The following LMBR1 variants were observed in gnomAD, a reference collection of about 807,000 sequenced individuals.
LMBR1 encodes the protein limb region 1 protein homolog.
In LMBR1, 52 loss-of-function variants were observed where a neutral mutation model predicts 73.9. The observed-to-expected ratio is 0.70, with a 90% CI of 0.56 to 0.89. LMBR1 has a LOEUF of 0.89. Ranked by LOEUF, LMBR1 falls within the 40% of genes least tolerant of loss-of-function variation. The pLI is 0.00. For missense variants in LMBR1, 539 were observed against 579.8 expected, an observed-to-expected ratio of 0.93 and a Z score of 0.72; for synonymous variants, 215 against 209.4, an observed-to-expected ratio of 1.03 and a Z score of -0.23.
At chr7:156,829,998 C>T (rs1052805060) in intron 3 of LMBR1, among the ~76,000 whole-genome samples, 1 of 152,204 alleles carries the variant, frequency 6.6e-6, no homozygotes, top group Admixed American at 6.5e-5. Flanking sequence ...TCTTTATTAA[C>T]CCACTACAGT....
At chr7:156,785,132 C>T (rs1272445391) in intron 5 of LMBR1, among the ~76,000 whole-genome samples, 2 of 152,054 alleles carry the variant, frequency 1.3e-5, no homozygotes, top group African/African-American at 4.8e-5. Flanking sequence ...TGATTTGGGG[C>T]CAGGCACGGT....
chr7:156,852,110 A>G (rs894183045), intron 1 of LMBR1, among the ~76,000 whole-genome samples: 6 of 152,110 alleles, frequency 3.9e-5, no homozygotes, highest in Non-Finnish European at 8.8e-5. Flanking sequence ...ACAAAGTAAT[A>G]TAACAAGTAA....
intron 1 of LMBR1, among the ~76,000 whole-genome samples, chr7:156,852,942 CTTT>C (rs879843032): frequency 2.1e-5 from 3 of 143,970 alleles, no homozygotes; most frequent in African/African-American, 2.5e-5. Context: ...ACAAATAATG[CTTT>C]TTTTTTTTTT....
At chr7:156,756,992 T>C (rs1822011349) in intron 8 of LMBR1, among the ~76,000 whole-genome samples, 1 of 152,172 alleles carries the variant, frequency 6.6e-6, no homozygotes, top group African/African-American at 2.4e-5. Flanking sequence ...AATTTTTGTA[T>C]TTTTAGTAGA....
chr7:156,810,030 G>A (rs569375537), intron 4 of LMBR1, among the ~76,000 whole-genome samples: 1 of 151,982 alleles, frequency 6.6e-6, no homozygotes, highest in East Asian at 1.9e-4. Context: ...AGCCCACTTT[G>A]CATTGCCATC....
intron 15 of LMBR1, among the ~76,000 whole-genome samples, chr7:156,692,199 C>T (rs1039880723): frequency 4.6e-5 from 7 of 152,266 alleles, no homozygotes; most frequent in Admixed American, 1.3e-4. Context: ...GCCTCAGCCT[C>T]CCAAGTAGTT....
chr7:156,837,202 C>T (rs546937423), intron 1 of LMBR1, among the ~76,000 whole-genome samples: 6 of 151,446 alleles, frequency 4.0e-5, no homozygotes, highest in African/African-American at 1.5e-4. Flanking sequence ...GGCATGGTGG[C>T]GGTGCACCTG....
At chr7:156,713,620 G>A (rs1352954840) in intron 15 of LMBR1, among the ~76,000 whole-genome samples, 1 of 152,168 alleles carries the variant, frequency 6.6e-6, no homozygotes, top group East Asian at 1.9e-4. Context: ...ATGGTGGATA[G>A]GGGAACACGA....
rs189010457 is a variant in LMBR1, at chr7:156,833,719, C to G, written c.179+34G>C. 53 of 1,541,750 alleles carry G rather than the reference C, an allele frequency of 3.4e-5. No individual in the cohort carries two copies. The African/African-American group carries it at 7.0e-4, about 20-fold the overall frequency. ...TTTTGAGAATTGATGACTTCAGAAT[C>G]AGAAACAGAACAACTGAACTTTAAA... On this transcript the variant is annotated intron_variant, in intron 3 of 16. Transcript: ENST00000353442.
intron 4 of LMBR1, among the ~76,000 whole-genome samples, chr7:156,806,598 CTTTTTTTTTT>C (rs71189962): frequency 9.0e-5 from 4 of 44,672 alleles, no homozygotes; most frequent in African/African-American, 3.0e-4. Context: ...TTTGTAGATG[CTTTTTTTTTT>C]TTTTTTTTTT....
chr7:156,814,279 T>C (rs1833559588), intron 4 of LMBR1, among the ~76,000 whole-genome samples: 1 of 152,222 alleles, frequency 6.6e-6, no homozygotes, highest in South Asian at 2.1e-4. Context: ...GTTTTCTTAA[T>C]ATTATCTGCC....
At chr7:156,778,604 GA>G (rs1163364200) in intron 5 of LMBR1, among the ~76,000 whole-genome samples, 4 of 152,198 alleles carry the variant, frequency 2.6e-5, no homozygotes, top group African/African-American at 9.7e-5. Context: ...GAAGAGAGAT[GA>G]TGAGACTATA....
Position 156,681,096 on chromosome 7 carries a change from A to AC in LMBR1, c.*2981dup. ...ATCTATGTTCACATTAAAAAAAAAA[A>AC]CTTGTAAGAATTCTGCCTTTATGCA... On this transcript the variant is annotated 3_prime_UTR_variant, in exon 17 of 17. Transcript: ENST00000353442. 2.4e-6 allele frequency: 1 copy of AC among 418,510 alleles called. No individual in the cohort carries two copies. Among genetic ancestry groups the AC allele is most frequent in the Non-Finnish European group, 4.6e-6 (1 of 216,758 alleles). 25.9% of individuals were successfully genotyped at this position (418,510 alleles called of 1,614,324 possible).
chr7:156,815,350 T>C (rs538728278), intron 4 of LMBR1, among the ~76,000 whole-genome samples: 243 of 152,136 alleles, frequency 1.6e-3, no homozygotes, highest in Non-Finnish European at 2.8e-3. Context: ...ATAGGTGTTA[T>C]TGAAAATATT....
At chr7:156,751,834 C>G (rs1257282005) in intron 9 of LMBR1, among the ~76,000 whole-genome samples, 1 of 152,196 alleles carries the variant, frequency 6.6e-6, no homozygotes, top group Non-Finnish European at 1.5e-5. Flanking sequence ...CTTGAGTTTA[C>G]TTTGGACATA....
intron 1 of LMBR1, among the ~76,000 whole-genome samples, chr7:156,888,088 G>A (rs1802223265): frequency 6.6e-6 from 1 of 152,194 alleles, no homozygotes; most frequent in African/African-American, 2.4e-5. Context: ...CAGCCTCTGT[G>A]GAAAATGGTA....
intron 9 of LMBR1, among the ~76,000 whole-genome samples, chr7:156,740,789 T>A (rs1157292825): frequency 6.6e-6 from 1 of 152,114 alleles, no homozygotes; most frequent in Non-Finnish European, 1.5e-5. Context: ...TAATGAGCCA[T>A]AAGAAATCAC....
At position 156,791,795 on chromosome 7, in the gene LMBR1, G is replaced by GATGGTTTGGA. The variant is rs1400064231; in HGVS notation, c.423+4584_423+4593dup. Among the ~76,000 whole-genome samples, 1 of 152,168 alleles carries GATGGTTTGGA rather than the reference G, an allele frequency of 6.6e-6. No individual in the cohort carries two copies. The highest frequency in any genetic ancestry group is 1.5e-5 in the Non-Finnish European group (1 of 68,036). On this transcript the variant is annotated intron_variant, in intron 5 of 16. Transcript: ENST00000353442. ...CGCTCTGGCCATTCAGGGATGTCTG[G>GATGGTTTGGA]ATGGTTTGGATAATTGGTCAGGATG...
chr7:156,795,521 T>C (rs150959106), intron 5 of LMBR1, among the ~76,000 whole-genome samples: 2 of 152,308 alleles, frequency 1.3e-5, no homozygotes, highest in Admixed American at 6.5e-5. Flanking sequence ...TCTACAGAAA[T>C]TGCCTTCTCA....
Sources: gnomAD v4.1 joint callset for allele counts (sites outside exome capture counted in the v4.1 genomes callset) on GRCh38, gnomAD v4.1.1 for gene constraint, MANE v1.5 for transcripts, NCBI Gene and HGNC (gene_info 2026-07-23, HGNC 2026-07-21) for gene names.